KIAA1328: variants seen among roughly 807,000 people sequenced by gnomAD.
KIAA1328 encodes KIAA1328, also known as protein hinderin.
In KIAA1328, 52 loss-of-function variants were observed where a neutral mutation model predicts 68.1. The observed-to-expected ratio is 0.76, with a 90% CI of 0.61 to 0.96. The LOEUF is 0.96. Ranked by LOEUF, KIAA1328 falls within the 40% of genes least tolerant of loss-of-function variation. The probability of loss-of-function intolerance (pLI) is 0.00; values close to 1 mark genes in which losing one functional copy is unlikely to be tolerated. For missense variants in KIAA1328, 641 were observed against 677.6 expected (o/e 0.95, Z 0.60); for synonymous variants, 232 against 239.4 (o/e 0.97, Z 0.28).
chr18:36,853,608 G>A (rs1287169500), intron 4 of KIAA1328, among the ~76,000 whole-genome samples: 1 of 151,880 alleles, frequency 6.6e-6, no homozygotes, highest in Admixed American at 6.6e-5. Flanking sequence ...TCTATCCTAT[G>A]TTGTTATTGT....
chr18:36,936,774 C>T (rs143190671), intron 5 of KIAA1328, among the ~76,000 whole-genome samples: 28 of 152,278 alleles, frequency 1.8e-4, no homozygotes, highest in African/African-American at 6.0e-4. Context: ...TTGCCAACAT[C>T]TGTTGTTTCC....
intron 5 of KIAA1328, among the ~76,000 whole-genome samples, chr18:36,896,240 T>C (rs2048863444): frequency 6.6e-6 from 1 of 152,202 alleles, no homozygotes; most frequent in East Asian, 1.9e-4. Flanking sequence ...AACAATAATT[T>C]TTAAATATCA....
chr18:37,221,593 G>A (rs778857601), intron 9 of KIAA1328, among the ~76,000 whole-genome samples: 14 of 152,252 alleles, frequency 9.2e-5, no homozygotes, highest in African/African-American at 2.4e-4. Context: ...TTTAATTTCC[G>A]CATGTTTATA....
At chr18:37,051,534 C>T (rs191241711) in intron 6 of KIAA1328, among the ~76,000 whole-genome samples, 26 of 152,228 alleles carry the variant, frequency 1.7e-4, no homozygotes, top group Non-Finnish European at 2.5e-4. Context: ...GACCAAATAA[C>T]GAGTTATGAA....
intron 4 of KIAA1328, among the ~76,000 whole-genome samples, chr18:36,885,176 C>T (rs1280324320): frequency 2.6e-5 from 4 of 152,120 alleles, no homozygotes; most frequent in Middle Eastern, 3.4e-3. Flanking sequence ...TAAACTTATA[C>T]AAAATGTAAA....
At chr18:36,987,243 C>A (rs1220137421) in intron 6 of KIAA1328, among the ~76,000 whole-genome samples, 2 of 104,308 alleles carry the variant, frequency 1.9e-5, no homozygotes, top group Non-Finnish European at 4.0e-5. Context: ...GAACAAAAAA[C>A]CAAACACCGC....
At position 36,834,336 on chromosome 18, in the gene KIAA1328, A is replaced by G. The variant is rs777953502; in HGVS notation, c.75A>G (p.Gln25=). ...CCTGCGTAGTTTCTGATGAAGAACA[A>G]TCAGTAGTATACGTTCCAGGTATGA... ...FWSRDFSDEE[Q]SVVYVPGISA... Residue 25 remains glutamine, a synonymous_variant, in exon 2 of 10, where the codon CAA becomes CAG. Transcript: ENST00000280020. 36 of 1,587,324 alleles carry G rather than the reference A, an allele frequency of 2.3e-5. No homozygotes were observed. Among genetic ancestry groups the G allele is most frequent in the Non-Finnish European group, 2.6e-5 (30 of 1,168,856 alleles).
chr18:37,016,635 A>T (rs934559562), intron 6 of KIAA1328, among the ~76,000 whole-genome samples: 1 of 152,080 alleles, frequency 6.6e-6, no homozygotes, highest in Non-Finnish European at 1.5e-5. Context: ...TTACTGATTC[A>T]ATTTCAAAAC....
At chr18:37,075,403 G>A (rs878971438) in intron 7 of KIAA1328, 1 of 152,132 alleles carries the variant, frequency 6.6e-6, no homozygotes, top group African/African-American at 2.4e-5. Context: ...GACCATCAAG[G>A]CTAGGAAGAA....
At chr18:37,220,962 G>A (rs1013019817) in intron 9 of KIAA1328, among the ~76,000 whole-genome samples, 1 of 152,046 alleles carries the variant, frequency 6.6e-6, no homozygotes, top group African/African-American at 2.4e-5. Context: ...GAGTAGCTGG[G>A]GCTACAGGCA....
intron 6 of KIAA1328, among the ~76,000 whole-genome samples, chr18:37,021,996 T>C (rs977967642): frequency 3.3e-5 from 5 of 152,032 alleles, no homozygotes; most frequent in African/African-American, 1.2e-4. Flanking sequence ...GCCGAGATCG[T>C]GCCACCGCAC....
At chr18:36,971,729 G>A (rs1171213094) in intron 6 of KIAA1328, among the ~76,000 whole-genome samples, 6 of 152,154 alleles carry the variant, frequency 3.9e-5, no homozygotes, top group Admixed American at 3.9e-4. Context: ...AACATGGATT[G>A]AACAAGAGGC....
At chr18:37,104,959 C>G (rs1463655987) in intron 7 of KIAA1328, among the ~76,000 whole-genome samples, 1 of 152,168 alleles carries the variant, frequency 6.6e-6, no homozygotes, top group African/African-American at 2.4e-5. Context: ...TGATAACTGG[C>G]ATAGCAACTC....
chr18:37,098,243 G>C (rs559605207), intron 7 of KIAA1328, among the ~76,000 whole-genome samples: 2 of 152,320 alleles, frequency 1.3e-5, no homozygotes, highest in South Asian at 4.1e-4. Context: ...TTTGAGATAT[G>C]TCCCATCAAT....
intron 6 of KIAA1328, among the ~76,000 whole-genome samples, chr18:37,023,189 C>G (rs959068581): frequency 4.6e-5 from 7 of 152,138 alleles, no homozygotes; most frequent in African/African-American, 1.7e-4. Flanking sequence ...AGCCACCACA[C>G]TTGGACTTCT....
At chr18:37,023,270 T>A (rs988810438) in intron 6 of KIAA1328, among the ~76,000 whole-genome samples, 6 of 152,258 alleles carry the variant, frequency 3.9e-5, no homozygotes, top group Admixed American at 2.0e-4. Context: ...GCTGGTGTGC[T>A]ATGGCATGAG....
intron 6 of KIAA1328, among the ~76,000 whole-genome samples, chr18:37,007,783 C>CTA (rs2053834930): frequency 6.6e-6 from 1 of 152,144 alleles, no homozygotes; most frequent in African/African-American, 2.4e-5. Context: ...GATAAGCCCA[C>CTA]TATAGCCTAC....
At chr18:37,018,948 G>C (rs1156357216) in intron 6 of KIAA1328, among the ~76,000 whole-genome samples, 8 of 152,100 alleles carry the variant, frequency 5.3e-5, no homozygotes, top group African/African-American at 1.9e-4. Flanking sequence ...TTTGGTTACA[G>C]ACCATTGCTG....
At chr18:37,202,340 A>G (rs2060131009) in intron 9 of KIAA1328, among the ~76,000 whole-genome samples, 1 of 152,164 alleles carries the variant, frequency 6.6e-6, no homozygotes, top group Non-Finnish European at 1.5e-5. Context: ...TGGGTTGGTA[A>G]TCTTTGTAAA....
Sources: allele counts gnomAD v4.1 joint callset (sites outside exome capture counted in the v4.1 genomes callset), GRCh38; gene constraint gnomAD v4.1.1; transcripts MANE v1.5; gene names NCBI Gene and HGNC (gene_info 2026-07-23, HGNC 2026-07-21).